Variants in SLC30A5 observed in about 807,000 individuals in gnomAD.
SLC30A5 encodes the protein solute carrier family 30 member 5.
SLC30A5 carries 33 observed loss-of-function variants against 79.6 expected under a neutral mutation model. The ratio of observed to expected loss-of-function variants is 0.41; its 90% CI spans 0.31 to 0.55. The LOEUF (loss-of-function observed/expected upper bound fraction) is 0.55. SLC30A5 is among the 20% of genes least tolerant of loss of function. SLC30A5 has a pLI of 0.20. For missense variants in SLC30A5, 788 were observed against 928.1 expected (o/e 0.85, Z 1.96); for synonymous variants, 299 against 319.7 (o/e 0.94, Z 0.69).
At chr5:69,097,978 C>T (rs568374144) in intron 1 of SLC30A5, among the ~76,000 whole-genome samples, 18 of 152,178 alleles carry the variant, frequency 1.2e-4, no homozygotes, top group Admixed American at 9.2e-4. Flanking sequence ...TTTATCAGGA[C>T]GTGGAGACGG....
intron 2 of SLC30A5, chr5:69,102,581 C>T (rs938030733): frequency 6.6e-6 from 1 of 151,930 alleles, no homozygotes; most frequent in African/African-American, 2.4e-5. Context: ...AGTTCTCGGC[C>T]AGGTGTGATA....
chr5:69,109,152 TCAA>T (rs1746164106), intron 5 of SLC30A5, among the ~76,000 whole-genome samples: 1 of 152,112 alleles, frequency 6.6e-6, no homozygotes. Flanking sequence ...GTGACTATAA[TCAA>T]CAATAATTTA....
At chr5:69,109,949 T>C (rs180931838) in intron 5 of SLC30A5, among the ~76,000 whole-genome samples, 6 of 152,252 alleles carry the variant, frequency 3.9e-5, no homozygotes, top group African/African-American at 1.4e-4. Context: ...CCTGACAAGC[T>C]GGCACTGCGG....
rs1175156208 is a variant in SLC30A5, at chr5:69,100,829, C to T, written c.106C>T (p.Leu36=). ...CAGATTAACAAAATATATTGTGTTACTATGTTTCACTAAATTTTTGAAGGC... is the reference window on the plus strand; with the variant it reads ...CAGATTAACAAAATATATTGTGTTATTATGTTTCACTAAATTTTTGAAGGC... ...SARLTKYIVL[L]CFTKFLKAVG... The change falls in exon 2 of 16, where the codon CTA becomes TTA. Residue 36 remains leucine (L), a synonymous_variant. Transcript: ENST00000396591. 2 of 1,599,394 alleles carry T rather than the reference C, an allele frequency of 1.3e-6. No individual in the cohort carries two copies. Among genetic ancestry groups the T allele is most frequent in the African/African-American group, 2.7e-5 (2 of 74,430 alleles).
Position 69,095,196 on chromosome 5 carries a change from CTT to C in SLC30A5, c.83+879_83+880del, listed in dbSNP as rs371189827. 9.5e-4 allele frequency among the ~76,000 whole-genome samples: 107 copies of C among 112,298 alleles called. No homozygotes were observed. The Middle Eastern group carries it at 0.015, about 16-fold the overall frequency. 73.7% of individuals were successfully genotyped at this position (112,298 alleles called of 152,430 possible). A position where few individuals can be genotyped will look rare whatever the true frequency, so the allele number is the denominator to read the frequency against. ...CTGTAGTAATAGCATTATAACGTAACTTTTTTTTTTTTTTTTTTTTTTGAGAC... is the reference window on the plus strand; with the variant it reads ...CTGTAGTAATAGCATTATAACGTAACTTTTTTTTTTTTTTTTTTTTGAGAC... On this transcript the variant is annotated intron_variant, in intron 1 of 15. Coordinates refer to ENST00000396591, the MANE Select transcript of SLC30A5 (RefSeq NM_022902.5).
intron 5 of SLC30A5, among the ~76,000 whole-genome samples, chr5:69,110,409 T>C (rs1333845926): frequency 1.3e-5 from 2 of 152,144 alleles, no homozygotes; most frequent in Non-Finnish European, 2.9e-5. Flanking sequence ...AATGAAGTAA[T>C]GAAGTGAACA....
At chr5:69,115,135 G>GAA (rs60614154) in intron 7 of SLC30A5, 102 bp from the exon 8 acceptor site, 808 of 539,204 alleles carry the variant, frequency 1.5e-3, no homozygotes, top group South Asian at 4.0e-3. Context: ...TGTCTCTGGG[G>GAA]AAAAAAAAAA....
chr5:69,118,325 G>GTGTATATATATATATATATATATATCTA (rs60416809), intron 11 of SLC30A5, 174 bp from the exon 12 acceptor site: 1 of 188,328 alleles, frequency 5.3e-6, no homozygotes, highest in African/African-American at 2.8e-5. Flanking sequence ...ATATATATAT[G>GTGTATATATATATATATATATATATCTA]TATATATATA....
At chr5:69,118,455 AT>A (rs1355006263) in intron 11 of SLC30A5, 43 bp from the exon 12 acceptor site, 2 of 1,549,898 alleles carry the variant, frequency 1.3e-6, no homozygotes, top group South Asian at 2.4e-5. Flanking sequence ...TACTTTAAAA[AT>A]ATTTGTCCTT....
intron 14 of SLC30A5, among the ~76,000 whole-genome samples, chr5:69,127,439 G>A (rs1259206890): frequency 1.4e-5 from 2 of 147,064 alleles, no homozygotes; most frequent in Admixed American, 1.4e-4. Flanking sequence ...GACCAGCCTG[G>A]GCAACATGGT....
intron 3 of SLC30A5, chr5:69,103,846 CAT>C: frequency 1.2e-6 from 1 of 803,436 alleles, no homozygotes; most frequent in Non-Finnish European, 1.9e-6. Flanking sequence ...AAACCTGCGT[CAT>C]AATTTTTTTA....
chr5:69,101,956 A>G (rs557196948), intron 2 of SLC30A5, among the ~76,000 whole-genome samples: 1 of 144,000 alleles, frequency 6.9e-6, no homozygotes, highest in Non-Finnish European at 1.5e-5. Flanking sequence ...GACTCCATTT[A>G]AAAAAAAAAA....
Position 69,108,370 on chromosome 5 carries a change from C to T in SLC30A5, c.381C>T (p.His127=), listed in dbSNP as rs773852184. The T allele has an allele frequency of 6.2e-6, 10 of 1,612,952 alleles. No homozygotes were observed. The highest frequency in any genetic ancestry group is 8.5e-6 in the Non-Finnish European group (10 of 1,179,104). ...GPLRTLLLFE[H]SDIVVISLLS... ...GTAGGACTTTGCTGCTATTTGAGCA[C>T]AGTGATATTGTTGTCATTTCACTAC... The change falls in exon 5 of 16, where the codon CAC becomes CAT. Residue 127 remains histidine (H), a synonymous_variant. Coordinates refer to ENST00000396591, the MANE Select transcript of SLC30A5 (RefSeq NM_022902.5).
chr5:69,103,414 A>C (rs757757293), intron 3 of SLC30A5, among the ~76,000 whole-genome samples: 3 of 152,184 alleles, frequency 2.0e-5, no homozygotes, highest in African/African-American at 7.2e-5. Context: ...TACAAATTGG[A>C]CATGAAAGCA....
chr5:69,098,053 G>T (rs770326981), intron 1 of SLC30A5, among the ~76,000 whole-genome samples: 2 of 151,744 alleles, frequency 1.3e-5, no homozygotes, highest in Non-Finnish European at 1.5e-5. Context: ...TCGCTGTATT[G>T]CCCAGGTTGG....
At chr5:69,103,024 G>T in intron 2 of SLC30A5, 38 bp from the exon 3 acceptor site, 1 of 1,008,846 alleles carries the variant, frequency 9.9e-7, no homozygotes, top group South Asian at 1.5e-5. Context: ...TGTTTAATAT[G>T]GATTAATATT....
chr5:69,127,871 T>A, intron 14 of SLC30A5, 133 bp from the exon 15 acceptor site: 1 of 683,588 alleles, frequency 1.5e-6, no homozygotes, highest in African/African-American at 1.8e-5. Flanking sequence ...TTTGTTTTGT[T>A]TTGTATTTTA....
At chr5:69,111,238 C>T (rs186921754) in intron 5 of SLC30A5, among the ~76,000 whole-genome samples, 58 of 151,944 alleles carry the variant, frequency 3.8e-4, no homozygotes, top group East Asian at 1.7e-3. Flanking sequence ...GTGATCTGTC[C>T]GCCTTGGCCT....
intron 1 of SLC30A5, among the ~76,000 whole-genome samples, chr5:69,100,440 G>GGTCTT (rs1431712647): frequency 6.6e-6 from 1 of 151,966 alleles, no homozygotes; most frequent in African/African-American, 2.4e-5. Flanking sequence ...CTTTTGCCAC[G>GGTCTT]TTGCGGAGGC....
Sources: allele counts gnomAD v4.1 joint callset (sites outside exome capture counted in the v4.1 genomes callset), GRCh38; gene constraint gnomAD v4.1.1; transcripts MANE v1.5; gene names NCBI Gene and HGNC (gene_info 2026-07-23, HGNC 2026-07-21).